CDC73: variants seen among roughly 807,000 people sequenced by gnomAD.
The protein encoded by CDC73 is parafibromin.
A neutral mutation model predicts 83.7 loss-of-function variants in CDC73; 21 were observed. That is an observed-to-expected ratio of 0.25 (90% CI 0.18 to 0.36). The LOEUF is 0.36. Among genes scored for constraint, CDC73 ranks in the 10% least tolerant of loss-of-function variants. The probability of loss-of-function intolerance (pLI) is 1.00; values close to 1 mark genes in which losing one functional copy is unlikely to be tolerated. For missense variants in CDC73, 342 were observed against 653.3 expected (o/e 0.52, Z 5.19); for synonymous variants, 224 against 212.9 (o/e 1.05, Z -0.45).
intron 11 of CDC73, among the ~76,000 whole-genome samples, chr1:193,210,782 T>C (rs1351661905): frequency 6.6e-6 from 1 of 152,128 alleles, no homozygotes; most frequent in African/African-American, 2.4e-5. Context: ...ATCAATCATA[T>C]GGTCATTTTC....
chr1:193,244,624 A>T (rs982650934), intron 15 of CDC73, among the ~76,000 whole-genome samples: 1 of 152,218 alleles, frequency 6.6e-6, no homozygotes, highest in Non-Finnish European at 1.5e-5. Flanking sequence ...TTATTCTTCA[A>T]CATAGGACAT....
intron 10 of CDC73, among the ~76,000 whole-genome samples, chr1:193,182,921 T>C (rs1007258978): frequency 6.6e-6 from 1 of 152,088 alleles, no homozygotes; most frequent in Non-Finnish European, 1.5e-5. Context: ...GAAAATTACT[T>C]CTTTAAGCAA....
rs182851032 is a variant in CDC73 at position 193,220,352 on chromosome 1, C to T, written c.1154+7875C>T. On this transcript the variant is annotated intron_variant, in intron 13 of 16. Transcript: ENST00000367435. ...TTAATTTTTGTATTTTTAGTAGAGA[C>T]GGGGTTTCACCATGTTGGTCAGGCT... 3.5e-3 allele frequency among the ~76,000 whole-genome samples: 536 copies of T among 151,598 alleles called. 3 individuals carry two copies. The highest frequency in any genetic ancestry group is 0.02 in the Middle Eastern group (6 of 294).
chr1:193,204,055 C>G (rs1217018177), intron 11 of CDC73, among the ~76,000 whole-genome samples: 1 of 151,812 alleles, frequency 6.6e-6, no homozygotes, highest in Non-Finnish European at 1.5e-5. Flanking sequence ...AAACTTCAGT[C>G]AGCATCATTA....
intron 10 of CDC73, among the ~76,000 whole-genome samples, chr1:193,195,779 T>G (rs562999994): frequency 6.6e-6 from 1 of 152,216 alleles, no homozygotes; most frequent in Non-Finnish European, 1.5e-5. Flanking sequence ...TGTATTTTCA[T>G]GCACTTATTA....
chr1:193,174,772 C>T (rs1463707402), intron 10 of CDC73, among the ~76,000 whole-genome samples: 1 of 152,192 alleles, frequency 6.6e-6, no homozygotes, highest in Non-Finnish European at 1.5e-5. Flanking sequence ...TCTCTAGTAT[C>T]CAGCCATCAT....
rs753057198 is a variant in CDC73 at position 193,122,180 on chromosome 1, G to A, written c.-21G>A. ...GCGGCAGCGGCGGCGCCCCGAGCCGGCGGAGGCGAGGGGGGGGAAGATGGC... is the reference window on the plus strand; with the variant it reads ...GCGGCAGCGGCGGCGCCCCGAGCCGACGGAGGCGAGGGGGGGGAAGATGGC... On this transcript the variant is annotated 5_prime_UTR_variant, in exon 1 of 17. Transcript: ENST00000367435. 1.2e-5 allele frequency: 20 copies of A among 1,611,696 alleles called. No homozygotes were observed. In the Admixed American group the frequency reaches 3.2e-4, roughly 26 times the overall value.
At position 193,234,150 on chromosome 1, in the gene CDC73, TTC is replaced by T. The variant is rs1301715434; in HGVS notation, c.1316+1021_1316+1022del. ...TTATGCCTCAAGACTGGTAGGATAA[TTC>T]TCTCTCTCTCTCTCTCTCTCTCTCA... On this transcript the variant is annotated intron_variant, in intron 14 of 16. Coordinates refer to ENST00000367435, the MANE Select transcript of CDC73 (RefSeq NM_024529.5). Among the ~76,000 whole-genome samples, 574 of 107,354 alleles carry T rather than the reference TTC, an allele frequency of 5.3e-3. 1 individual carries two copies. Among genetic ancestry groups the T allele is most frequent in the Admixed American group, 0.01 (97 of 9,244 alleles). 70.4% of individuals were successfully genotyped at this position (107,354 alleles called of 152,430 possible).
At chr1:193,140,051 C>G (rs1256372326) in intron 6 of CDC73, among the ~76,000 whole-genome samples, 1 of 152,200 alleles carries the variant, frequency 6.6e-6, no homozygotes. Flanking sequence ...ATTCTAAACA[C>G]CTTGGTCTTG....
chr1:193,210,644 T>C (rs1268813890), intron 11 of CDC73, among the ~76,000 whole-genome samples: 1 of 152,102 alleles, frequency 6.6e-6, no homozygotes, highest in Non-Finnish European at 1.5e-5. Flanking sequence ...ATCCCAGCAC[T>C]TTGGGAGGCT....
intron 15 of CDC73, among the ~76,000 whole-genome samples, chr1:193,241,957 G>A (rs1373278185): frequency 1.3e-5 from 2 of 152,206 alleles, no homozygotes; most frequent in Non-Finnish European, 2.9e-5. Flanking sequence ...CAGTAAGCAG[G>A]CATCTGGGGC....
intron 10 of CDC73, 55 bp from the exon 11 acceptor site, chr1:193,203,736 AAAGT>A (rs1416733130): frequency 7.7e-7 from 1 of 1,294,330 alleles, no homozygotes; most frequent in African/African-American, 1.5e-5. Flanking sequence ...TGGAATAATT[AAAGT>A]GTTTATTATG....
chr1:193,123,344 C>T (rs776445343), intron 1 of CDC73, among the ~76,000 whole-genome samples: 1 of 152,182 alleles, frequency 6.6e-6, no homozygotes, highest in Non-Finnish European at 1.5e-5. Context: ...TCTCTTGCCT[C>T]AGCCTCCTGA....
chr1:193,194,947 CAT>C (rs773381895), intron 10 of CDC73, among the ~76,000 whole-genome samples: 2 of 151,964 alleles, frequency 1.3e-5, no homozygotes, highest in Non-Finnish European at 2.9e-5. Context: ...CATATACACA[CAT>C]ATAGATTTAG....
chr1:193,234,093 A>G (rs1210375804), intron 14 of CDC73, among the ~76,000 whole-genome samples: 3 of 147,706 alleles, frequency 2.0e-5, no homozygotes, highest in Admixed American at 6.9e-5. Context: ...GTGTCACAGT[A>G]TCTTATAGAG....
intron 13 of CDC73, among the ~76,000 whole-genome samples, chr1:193,224,610 A>G (rs1677533521): frequency 6.6e-6 from 1 of 152,180 alleles, no homozygotes; most frequent in Non-Finnish European, 1.5e-5. Flanking sequence ...GTACACATAT[A>G]TGAAATATGC....
At chr1:193,173,567 G>T (rs868853701) in intron 10 of CDC73, among the ~76,000 whole-genome samples, 3 of 152,112 alleles carry the variant, frequency 2.0e-5, no homozygotes, top group Middle Eastern at 3.4e-3. Flanking sequence ...TTGTCTTTTT[G>T]TAATTCGTTT....
intron 10 of CDC73, among the ~76,000 whole-genome samples, chr1:193,176,620 G>T (rs1676607001): frequency 6.6e-6 from 1 of 152,116 alleles, no homozygotes; most frequent in South Asian, 2.1e-4. Flanking sequence ...ATGATACATT[G>T]AAATTCTTGG....
intron 10 of CDC73, among the ~76,000 whole-genome samples, chr1:193,166,655 T>C (rs188407015): frequency 0.023 from 3,411 of 151,478 alleles, 57 homozygotes; most frequent in Non-Finnish European, 0.036. Flanking sequence ...TTTTTTCTTT[T>C]TTTTTTTTTT....
Sources: allele counts gnomAD v4.1 joint callset (sites outside exome capture counted in the v4.1 genomes callset), GRCh38; gene constraint gnomAD v4.1.1; transcripts MANE v1.5; gene names NCBI Gene and HGNC (gene_info 2026-07-23, HGNC 2026-07-21).